Variants in EXOC6B observed in about 807,000 individuals in gnomAD.
EXOC6B encodes the protein SEC15 homolog B.
A neutral mutation model predicts 113.5 loss-of-function variants in EXOC6B; 54 were observed. That is an observed-to-expected ratio of 0.48 (90% confidence interval 0.38 to 0.60). The LOEUF (loss-of-function observed/expected upper bound fraction) is 0.60. Among genes scored for constraint, EXOC6B ranks in the 20% least tolerant of loss-of-function variants. EXOC6B has a pLI of 0.00. For synonymous variants in EXOC6B, 357 were observed against 339.0 expected (o/e 1.05, Z -0.58); for missense variants, 797 against 977.5 (o/e 0.82, Z 2.46).
intron 1 of EXOC6B, among the ~76,000 whole-genome samples, chr2:72,794,859 C>T (rs548125027): frequency 8.1e-4 from 123 of 152,262 alleles, no homozygotes; most frequent in African/African-American, 2.9e-3. Flanking sequence ...TGCCATCTCA[C>T]CCCCTTGATT....
intron 1 of EXOC6B, among the ~76,000 whole-genome samples, chr2:72,744,247 T>G (rs1681545259): frequency 6.6e-6 from 1 of 152,192 alleles, no homozygotes; most frequent in Non-Finnish European, 1.5e-5. Flanking sequence ...GAACATATCC[T>G]CTCTGCTAAG....
At chr2:72,203,317 T>G (rs374890289) in intron 20 of EXOC6B, among the ~76,000 whole-genome samples, 1 of 152,222 alleles carries the variant, frequency 6.6e-6, no homozygotes, top group East Asian at 1.9e-4. Flanking sequence ...ATGAATTATT[T>G]CTTTTGTCTT....
At chr2:72,484,041 A>C (rs541740138) in intron 16 of EXOC6B, among the ~76,000 whole-genome samples, 1 of 152,352 alleles carries the variant, frequency 6.6e-6, no homozygotes, top group African/African-American at 2.4e-5. Flanking sequence ...AAGTCACTTA[A>C]GTGAAAAACC....
chr2:72,744,763 G>A (rs1225010289), intron 1 of EXOC6B, among the ~76,000 whole-genome samples: 3 of 151,802 alleles, frequency 2.0e-5, no homozygotes, highest in Admixed American at 6.6e-5. Flanking sequence ...AGAGATCTAC[G>A]GTAACGTCAC....
chr2:72,818,458 G>C (rs1366690139), intron 1 of EXOC6B, among the ~76,000 whole-genome samples: 1 of 151,726 alleles, frequency 6.6e-6, no homozygotes, highest in Non-Finnish European at 1.5e-5. Flanking sequence ...ACCGTGCCAG[G>C]CCATTTTTGT....
intron 7 of EXOC6B, among the ~76,000 whole-genome samples, chr2:72,575,142 G>A (rs1704749527): frequency 6.6e-6 from 1 of 151,980 alleles, no homozygotes; most frequent in East Asian, 1.9e-4. Flanking sequence ...TGTTTTTCTG[G>A]ACTAACCGTT....
intron 6 of EXOC6B, among the ~76,000 whole-genome samples, chr2:72,679,799 TG>T (rs1412023849): frequency 6.6e-6 from 1 of 152,214 alleles, no homozygotes; most frequent in African/African-American, 2.4e-5. Context: ...AATGCTTGGC[TG>T]GAAACAATGA....
At chr2:72,487,347 G>GTTTTGTTTTGTTTTGTTTTTGT (rs1699482132) in intron 16 of EXOC6B, among the ~76,000 whole-genome samples, 2 of 151,798 alleles carry the variant, frequency 1.3e-5, no homozygotes, top group Admixed American at 6.6e-5. Context: ...ACAGTTTTTT[G>GTTTTGTTTTGTTTTGTTTTTGT]TTTTGTTTTG....
chr2:72,335,259 C>A, intron 19 of EXOC6B: 1 of 480,646 alleles, frequency 2.1e-6, no homozygotes, highest in Non-Finnish European at 3.8e-6. Flanking sequence ...GAAATTTATT[C>A]CCATGAGCTG....
chr2:72,439,487 C>A (rs895470980), intron 18 of EXOC6B, among the ~76,000 whole-genome samples: 2 of 152,110 alleles, frequency 1.3e-5, no homozygotes, highest in Non-Finnish European at 2.9e-5. Flanking sequence ...CTCTGAGATT[C>A]TTTAATCTGC....
At chr2:72,508,716 GT>G (rs1181243588) in intron 11 of EXOC6B, among the ~76,000 whole-genome samples, 1 of 152,132 alleles carries the variant, frequency 6.6e-6, no homozygotes, top group Non-Finnish European at 1.5e-5. Context: ...AGAGGTCGCA[GT>G]GAGCTGAGAT....
At chr2:72,297,928 T>C (rs1686241184) in intron 20 of EXOC6B, among the ~76,000 whole-genome samples, 2 of 152,318 alleles carry the variant, frequency 1.3e-5, no homozygotes, top group South Asian at 4.1e-4. Flanking sequence ...AACTTAAGAA[T>C]AAGTGCAATG....
At chr2:72,817,944 C>G (rs902981518) in intron 1 of EXOC6B, among the ~76,000 whole-genome samples, 1 of 152,068 alleles carries the variant, frequency 6.6e-6, no homozygotes, top group Non-Finnish European at 1.5e-5. Context: ...CACACAGCAG[C>G]CAGAACATTC....
chr2:72,537,625 C>T (rs946788227), intron 8 of EXOC6B, among the ~76,000 whole-genome samples: 1 of 151,868 alleles, frequency 6.6e-6, no homozygotes, highest in Non-Finnish European at 1.5e-5. Context: ...AGAGTGAGAC[C>T]CTTTCTCAAA....
At chr2:72,396,452 G>A (rs1199724087) in intron 18 of EXOC6B, among the ~76,000 whole-genome samples, 7 of 152,130 alleles carry the variant, frequency 4.6e-5, no homozygotes, top group Admixed American at 4.6e-4. Context: ...CCTCAATTTA[G>A]CTTCTTCTAA....
chr2:72,435,440 G>A (rs532527580), intron 18 of EXOC6B, among the ~76,000 whole-genome samples: 54 of 152,312 alleles, frequency 3.5e-4, no homozygotes, highest in African/African-American at 1.3e-3. Flanking sequence ...CCAGAGCTAA[G>A]TTCAAGTCCT....
rs34698268 is a variant in EXOC6B, at chr2:72,721,433, G to GAAAA, written c.465-3130_465-3127dup. On this transcript the variant is annotated intron_variant, in intron 5 of 21. Coordinates refer to ENST00000272427, the MANE Select transcript of EXOC6B (RefSeq NM_015189.3). ...AAAGAACCAAAAAGGGCCAACATATGAAAAAAAAAAAAAAATGTTTAACTG... is the reference window on the plus strand; with the variant it reads ...AAAGAACCAAAAAGGGCCAACATATGAAAAAAAAAAAAAAAAAAATGTTTAACTG... Among the ~76,000 whole-genome samples the GAAAA allele has an allele frequency of 4.8e-5, 5 of 105,150 alleles. No homozygotes were observed. The East Asian group carries it at 1.3e-3, about 28-fold the overall frequency. The allele number at this position is 105,150 out of a possible 152,430, so 69.0% of individuals were successfully genotyped here.
intron 6 of EXOC6B, among the ~76,000 whole-genome samples, chr2:72,600,057 T>C (rs1264307191): frequency 6.6e-6 from 1 of 152,142 alleles, no homozygotes; most frequent in East Asian, 1.9e-4. Context: ...AAAGTTTGTA[T>C]GGAAAGGCAA....
chr2:72,240,210 A>C (rs1252204298), intron 20 of EXOC6B, among the ~76,000 whole-genome samples: 1 of 152,162 alleles, frequency 6.6e-6, no homozygotes, highest in East Asian at 1.9e-4. Flanking sequence ...CCTCCAGTAC[A>C]GTGTTGAATA....
Sources: gnomAD v4.1 joint callset for allele counts (sites outside exome capture counted in the v4.1 genomes callset) on GRCh38, gnomAD v4.1.1 for gene constraint, MANE v1.5 for transcripts, NCBI Gene and HGNC (gene_info 2026-07-23, HGNC 2026-07-21) for gene names.